CLSTN2: variants seen among roughly 807,000 people sequenced by gnomAD.
The protein encoded by CLSTN2 is calsyntenin 2.
A neutral mutation model predicts 101.2 loss-of-function variants in CLSTN2; 48 were observed. That is an observed-to-expected ratio of 0.47 (90% CI 0.38 to 0.60). CLSTN2 has a LOEUF of 0.60. CLSTN2 is among the 20% of genes least tolerant of loss of function. The probability of loss-of-function intolerance (pLI) is 0.00; values close to 1 mark genes in which losing one functional copy is unlikely to be tolerated. For missense variants in CLSTN2, 1,160 were observed against 1,238.2 expected (o/e 0.94, Z 0.95); for synonymous variants, 481 against 463.6 (o/e 1.04, Z -0.48).
intron 1 of CLSTN2, among the ~76,000 whole-genome samples, chr3:139,967,154 T>A (rs1935614998): frequency 6.6e-6 from 1 of 152,136 alleles, no homozygotes; most frequent in Non-Finnish European, 1.5e-5. Flanking sequence ...GCAGAAGTCA[T>A]GGACTGACTT....
intron 1 of CLSTN2, among the ~76,000 whole-genome samples, chr3:139,970,376 C>T (rs1453247152): frequency 6.6e-6 from 1 of 152,170 alleles, no homozygotes; most frequent in Non-Finnish European, 1.5e-5. Context: ...ATTATGATTA[C>T]ATTTTGTAAT....
intron 2 of CLSTN2, among the ~76,000 whole-genome samples, chr3:140,268,914 A>G (rs1472271790): frequency 6.6e-6 from 1 of 152,182 alleles, no homozygotes; most frequent in East Asian, 1.9e-4. Context: ...ATCAAATGAG[A>G]TAATGTAGGT....
At chr3:140,254,308 C>A (rs915299259) in intron 2 of CLSTN2, among the ~76,000 whole-genome samples, 3 of 151,972 alleles carry the variant, frequency 2.0e-5, no homozygotes, top group African/African-American at 4.8e-5. Context: ...GGAGAGTTTC[C>A]CAAACAAATT....
chr3:140,204,289 C>G (rs113428478), intron 2 of CLSTN2, among the ~76,000 whole-genome samples: 2,766 of 152,220 alleles, frequency 0.018, 91 homozygotes, highest in African/African-American at 0.064. Context: ...AGGGCACTAC[C>G]CAGAAGCTAA....
At chr3:140,337,710 T>C (rs2087456628) in intron 2 of CLSTN2, among the ~76,000 whole-genome samples, 2 of 152,316 alleles carry the variant, frequency 1.3e-5, no homozygotes, top group African/African-American at 2.4e-5. Context: ...GTAGGATTTC[T>C]TGAGCCCCAG....
At position 140,400,216 on chromosome 3, in the gene CLSTN2, A is replaced by G. The variant is rs2088225009; in HGVS notation, c.233-3413A>G. ...AGTCAGTTGAAGACATAACATGATT[A>G]CCTTGTTCTCACTCTGAGTCCCACT... On this transcript the variant is annotated intron_variant, in intron 2 of 16. Transcript: ENST00000458420. Among the ~76,000 whole-genome samples the G allele has an allele frequency of 2.0e-5, 3 of 152,182 alleles. No individual in the cohort carries two copies. The South Asian group carries it at 6.2e-4, about 32-fold the overall frequency.
At chr3:140,430,264 C>A (rs1559867578) in intron 5 of CLSTN2, among the ~76,000 whole-genome samples, 1 of 152,058 alleles carries the variant, frequency 6.6e-6, no homozygotes. Context: ...TAGATAATCC[C>A]CCCTGAGAAA....
chr3:140,021,095 C>A (rs1330849009), intron 1 of CLSTN2, among the ~76,000 whole-genome samples: 1 of 152,228 alleles, frequency 6.6e-6, no homozygotes, highest in Non-Finnish European at 1.5e-5. Flanking sequence ...GGACTTGATG[C>A]TCCTCCCACC....
chr3:140,245,635 C>T (rs1559817867), intron 2 of CLSTN2, among the ~76,000 whole-genome samples: 1 of 142,610 alleles, frequency 7.0e-6, no homozygotes, highest in Admixed American at 7.4e-5. Flanking sequence ...ATTGCCATGC[C>T]CCAGAGACCA....
intron 1 of CLSTN2, among the ~76,000 whole-genome samples, chr3:140,040,681 T>A (rs2007744426): frequency 6.6e-6 from 1 of 152,016 alleles, no homozygotes; most frequent in Admixed American, 6.6e-5. Flanking sequence ...TCCAAGCAAT[T>A]TGAGGAGATT....
At chr3:140,532,726 C>T (rs1213096917) in intron 9 of CLSTN2, among the ~76,000 whole-genome samples, 2 of 152,154 alleles carry the variant, frequency 1.3e-5, no homozygotes, top group African/African-American at 4.8e-5. Context: ...TCATGGTTGT[C>T]TCTGAGTTTC....
At chr3:140,289,563 C>T (rs566011415) in intron 2 of CLSTN2, among the ~76,000 whole-genome samples, 1 of 152,254 alleles carries the variant, frequency 6.6e-6, no homozygotes, top group South Asian at 2.1e-4. Flanking sequence ...GGGTCTCTGA[C>T]CCTTTCATGG....
chr3:140,147,738 C>T (rs2009801655), intron 1 of CLSTN2, among the ~76,000 whole-genome samples: 1 of 152,198 alleles, frequency 6.6e-6, no homozygotes, highest in Non-Finnish European at 1.5e-5. Flanking sequence ...ATTCTACCCT[C>T]AGGGAGCTCT....
intron 8 of CLSTN2, among the ~76,000 whole-genome samples, chr3:140,500,666 C>G (rs1310088701): frequency 2.0e-5 from 3 of 152,126 alleles, no homozygotes; most frequent in Non-Finnish European, 4.4e-5. Flanking sequence ...GGCTCTGGTC[C>G]CAGTCCCCCA....
chr3:140,182,008 G>C (rs919524772), intron 2 of CLSTN2, among the ~76,000 whole-genome samples: 1 of 152,172 alleles, frequency 6.6e-6, no homozygotes, highest in Non-Finnish European at 1.5e-5. Flanking sequence ...CCCATGCTGA[G>C]TGAGTCATTC....
chr3:140,348,164 T>G (rs964214137), intron 2 of CLSTN2, among the ~76,000 whole-genome samples: 14 of 152,170 alleles, frequency 9.2e-5, no homozygotes, highest in African/African-American at 3.4e-4. Flanking sequence ...CTGGAAATGG[T>G]AGAGTTACCA....
chr3:140,111,228 C>A (rs2009151020), intron 1 of CLSTN2, among the ~76,000 whole-genome samples: 1 of 152,146 alleles, frequency 6.6e-6, no homozygotes, highest in Non-Finnish European at 1.5e-5. Context: ...ACAGACACAA[C>A]TCCTTTCTCG....
intron 2 of CLSTN2, among the ~76,000 whole-genome samples, chr3:140,386,640 ATGCTG>A (rs369531023): frequency 6.6e-6 from 1 of 151,898 alleles, no homozygotes; most frequent in African/African-American, 2.4e-5. Flanking sequence ...AAGCTGTGCC[ATGCTG>A]TGCTGTGCTG....
At chr3:140,192,584 G>A (rs2010584864) in intron 2 of CLSTN2, among the ~76,000 whole-genome samples, 1 of 151,328 alleles carries the variant, frequency 6.6e-6, no homozygotes, top group Non-Finnish European at 1.5e-5. Context: ...TTTTTACTCT[G>A]AAGTTTGCTT....
Sources: allele counts gnomAD v4.1 joint callset (sites outside exome capture counted in the v4.1 genomes callset), GRCh38; gene constraint gnomAD v4.1.1; transcripts MANE v1.5; gene names NCBI Gene and HGNC (gene_info 2026-07-23, HGNC 2026-07-21).